Variants in PAK3 observed in about 807,000 individuals in gnomAD.
PAK3 encodes the protein serine/threonine-protein kinase PAK 3.
In PAK3, 4 loss-of-function variants were observed where a neutral mutation model predicts 41.0. That is an observed-to-expected ratio of 0.10 (90% CI 0.05 to 0.22). The LOEUF is 0.22. Ranked by LOEUF, PAK3 falls within the 10% of genes least tolerant of loss-of-function variation. PAK3 has a pLI of 1.00. For synonymous variants in PAK3, 146 were observed against 139.6 expected (o/e 1.05, Z -0.32); for missense variants, 205 against 409.9 (o/e 0.50, Z 4.32).
intron 11 of PAK3, among the ~76,000 whole-genome samples, chrX:111,185,444 G>T (rs2094500379): frequency 9.0e-6 from 1 of 111,227 alleles, no homozygotes; most frequent in East Asian, 2.8e-4. Context: ...CATTGCTTTT[G>T]GTGTTTTAAT....
intron 1 of PAK3, among the ~76,000 whole-genome samples, chrX:111,040,729 T>C (rs2092444990): frequency 8.9e-6 from 1 of 112,114 alleles, no homozygotes; most frequent in South Asian, 3.7e-4. Flanking sequence ...TTATTATCAT[T>C]ATGGGTTTTC....
chrX:111,188,099 C>T (rs765886701), intron 11 of PAK3, among the ~76,000 whole-genome samples: 1 of 108,704 alleles, frequency 9.2e-6, no homozygotes, highest in African/African-American at 3.4e-5. Context: ...AGTAATTTGT[C>T]GCAATTTTAT....
chrX:111,005,905 C>T (rs898209365), intron 1 of PAK3, among the ~76,000 whole-genome samples: 12 of 111,743 alleles, frequency 1.1e-4, no homozygotes, highest in African/African-American at 3.9e-4. Context: ...AGGCCCAGTA[C>T]ATCTCATAGA....
intron 4 of PAK3, among the ~76,000 whole-genome samples, chrX:111,115,285 T>C (rs937407067): frequency 8.9e-6 from 1 of 112,356 alleles, no homozygotes; most frequent in Admixed American, 9.4e-5. Context: ...ACATACTCAA[T>C]CATGAGTTCG....
chrX:111,150,432 G>A (rs1374447789), intron 7 of PAK3, among the ~76,000 whole-genome samples: 2 of 111,864 alleles, frequency 1.8e-5, no homozygotes, highest in Non-Finnish European at 3.8e-5. Context: ...TCATGCTACT[G>A]ATAATGACAT....
rs750092028 is a variant in PAK3 at position 111,227,091 on chromosome X, T to C, written c.*6644T>C. 8.9e-6 allele frequency: 1 copy of C among 112,575 alleles called. No individual in the cohort carries two copies. Among genetic ancestry groups the C allele is most frequent in the Non-Finnish European group, 1.9e-5 (1 of 53,323 alleles). The allele number at this position is 112,575 out of a possible 1,213,427, so 9.3% of individuals were successfully genotyped here. On this transcript the variant is annotated 3_prime_UTR_variant, in exon 18 of 18. Transcript: ENST00000372007. ...GTGTAGTGAAATTCTTCTGTAACTTTGGATTAAAGGTATTTATGGTCTTTT... is the reference window on the plus strand; with the variant it reads ...GTGTAGTGAAATTCTTCTGTAACTTCGGATTAAAGGTATTTATGGTCTTTT...
chrX:111,101,592 C>T (rs1383872302), intron 3 of PAK3, among the ~76,000 whole-genome samples: 3 of 112,175 alleles, frequency 2.7e-5, no homozygotes, highest in Non-Finnish European at 3.8e-5. Flanking sequence ...CCTCTGCTGT[C>T]TGCCCTCATC....
intron 1 of PAK3, among the ~76,000 whole-genome samples, chrX:111,025,934 G>A (rs1765598409): frequency 9.1e-6 from 1 of 110,317 alleles, no homozygotes; most frequent in Non-Finnish European, 1.9e-5. Flanking sequence ...AAATCCAACA[G>A]CATATCAAAA....
At position 111,155,331 on chromosome X, in the gene PAK3, T is replaced by C. The variant is rs754092158; in HGVS notation, c.468+2884T>C. ...AACTGGGTAACATGGTGAAACCCTGTCTCTACAAATAATGCAAAAACTAGC... is the reference window on the plus strand; with the variant it reads ...AACTGGGTAACATGGTGAAACCCTGCCTCTACAAATAATGCAAAAACTAGC... On this transcript the variant is annotated intron_variant, in intron 8 of 17. Transcript: ENST00000372007. Among the ~76,000 whole-genome samples, 4 of 109,554 alleles carry C rather than the reference T, an allele frequency of 3.7e-5. No individual in the cohort carries two copies. The South Asian group carries it at 1.7e-3, about 46-fold the overall frequency.
chrX:110,953,292 T>C lies in PAK3; in HGVS notation c.-28+8664T>C, dbSNP rs557199766. ...TCCAGGGTTCGAGTTCTGGTTTTGTTATTAATTAGTTGTGTGACCCTGAAC... is the reference window on the plus strand; with the variant it reads ...TCCAGGGTTCGAGTTCTGGTTTTGTCATTAATTAGTTGTGTGACCCTGAAC... On this transcript the variant is annotated intron_variant, in intron 1 of 14. Coordinates refer to the PAK3 transcript ENST00000425146. 9.0e-5 allele frequency among the ~76,000 whole-genome samples: 10 copies of C among 111,649 alleles called. No homozygotes were observed. In the South Asian group the frequency reaches 1.9e-3, roughly 21 times the overall value.
chrX:111,147,721 C>T lies in PAK3; in HGVS notation c.277-16C>T. The stretch of plus-strand genomic sequence containing the variant: ...AATGTTCTGAGCTACCATTCTTTCC[C>T]TTTGGTTGTCCACAGGGAATTCCAG... On this transcript the variant is annotated splice_polypyrimidine_tract_variant and intron_variant, in intron 6 of 17. Coordinates refer to ENST00000372007, the MANE Select transcript of PAK3 (RefSeq NM_002578.5). The T allele has an allele frequency of 8.6e-7, 1 of 1,165,301 alleles. No individual in the cohort carries two copies. Among genetic ancestry groups the T allele is most frequent in the Non-Finnish European group, 1.2e-6 (1 of 853,170 alleles).
chrX:111,212,449 C>T (rs2094832215), intron 16 of PAK3, among the ~76,000 whole-genome samples: 1 of 111,201 alleles, frequency 9.0e-6, no homozygotes, highest in Non-Finnish European at 1.9e-5. Flanking sequence ...TCCAAAAGTA[C>T]ATTTTTAAGT....
intron 16 of PAK3, among the ~76,000 whole-genome samples, chrX:111,204,160 G>A (rs2094713866): frequency 9.0e-6 from 1 of 111,409 alleles, no homozygotes; most frequent in African/African-American, 3.3e-5. Context: ...AGGAAAATGG[G>A]ACTTAGCCAT....
At chrX:111,034,507 TG>T (rs2092373531) in intron 1 of PAK3, among the ~76,000 whole-genome samples, 1 of 111,643 alleles carries the variant, frequency 9.0e-6, no homozygotes, top group South Asian at 3.8e-4. Flanking sequence ...TATTACACAG[TG>T]ATGCTTCTGT....
chrX:110,970,205 C>A (rs2091176870), intron 1 of PAK3, among the ~76,000 whole-genome samples: 1 of 111,769 alleles, frequency 8.9e-6, no homozygotes, highest in Admixed American at 9.5e-5. Context: ...AAATATCTTC[C>A]TTTGAGAAGT....
intron 1 of PAK3, among the ~76,000 whole-genome samples, chrX:111,022,002 A>G (rs2092191535): frequency 8.9e-6 from 1 of 111,916 alleles, no homozygotes; most frequent in South Asian, 3.7e-4. Context: ...TTAAAAATGA[A>G]CAAAGCCTCC....
At chrX:111,068,302 T>A (rs2092716069) in intron 1 of PAK3, among the ~76,000 whole-genome samples, 1 of 111,743 alleles carries the variant, frequency 8.9e-6, no homozygotes, top group Non-Finnish European at 1.9e-5. Context: ...CTTGTTTTAT[T>A]TTTATTTTAG....
rs749204159 is a variant in PAK3 at position 110,959,957 on chromosome X, G to A, written c.-28+15329G>A. ...ATCAATGCTCCCTGTAAGTGTCATG[G>A]CATCTATACTGCTCACTCTTTTCTT... On this transcript the variant is annotated intron_variant, in intron 1 of 14. Transcript: ENST00000425146. Among the ~76,000 whole-genome samples, 161 of 111,730 alleles carry A rather than the reference G, an allele frequency of 1.4e-3. 2 individuals are homozygous for A. The highest frequency in any genetic ancestry group is 4.9e-3 in the African/African-American group (151 of 30,748).
At chrX:110,968,227 A>G (rs930886226) in intron 1 of PAK3, among the ~76,000 whole-genome samples, 1 of 112,342 alleles carries the variant, frequency 8.9e-6, no homozygotes, top group Non-Finnish European at 1.9e-5. Flanking sequence ...CTAACCATTC[A>G]CCAATTGCAG....
Sources: allele counts gnomAD v4.1 joint callset (sites outside exome capture counted in the v4.1 genomes callset), GRCh38; gene constraint gnomAD v4.1.1; transcripts MANE v1.5; gene names NCBI Gene and HGNC (gene_info 2026-07-23, HGNC 2026-07-21).